NR5A2: variants seen among roughly 807,000 people sequenced by gnomAD.
NR5A2 encodes nuclear receptor subfamily 5 group A member 2.
Under a neutral mutation model 62.7 loss-of-function variants are expected in NR5A2, and 26 were observed. The observed-to-expected ratio is 0.41, with a 90% CI of 0.30 to 0.58. NR5A2 has a LOEUF of 0.58. Among genes scored for constraint, NR5A2 ranks in the 20% least tolerant of loss-of-function variants. The pLI is 0.22. For synonymous variants in NR5A2, 246 were observed against 241.7 expected, an observed-to-expected ratio of 1.02 and a Z score of -0.16; for missense variants, 541 against 669.1, an observed-to-expected ratio of 0.81 and a Z score of 2.11.
chr1:200,079,496 G>A (rs1462187759), intron 5 of NR5A2, among the ~76,000 whole-genome samples: 2 of 152,340 alleles, frequency 1.3e-5, no homozygotes, highest in South Asian at 2.1e-4. Context: ...TGGCCCTGGA[G>A]CGATTCCACA....
At chr1:200,141,152 G>A (rs547111238) in intron 7 of NR5A2, among the ~76,000 whole-genome samples, 1 of 152,268 alleles carries the variant, frequency 6.6e-6, no homozygotes, top group East Asian at 1.9e-4. Flanking sequence ...GTTTGTATGT[G>A]TTGGGGGGTG....
At position 200,156,960 on chromosome 1, in the gene NR5A2, A is replaced by G. The variant is rs1432457778; in HGVS notation, c.1379-17003A>G. ...AAGTTGGAGCATCTATATTGCCGACATCTTAACAGAGCCGCTCTCTGTATA... is the reference window on the plus strand; with the variant it reads ...AAGTTGGAGCATCTATATTGCCGACGTCTTAACAGAGCCGCTCTCTGTATA... On this transcript the variant is annotated intron_variant, in intron 7 of 7. Coordinates refer to ENST00000367362, the MANE Select transcript of NR5A2 (RefSeq NM_205860.3). Among the ~76,000 whole-genome samples the G allele has an allele frequency of 3.3e-5, 5 of 152,194 alleles. No individual in the cohort carries two copies. In the South Asian group the frequency reaches 1.0e-3, roughly 32 times the overall value.
rs1440070706 is a variant in NR5A2 at position 200,159,923 on chromosome 1, G to A, written c.1379-14040G>A. Among the ~76,000 whole-genome samples the A allele has an allele frequency of 2.6e-5, 4 of 152,322 alleles. No individual in the cohort carries two copies. In the East Asian group the frequency reaches 7.7e-4, roughly 29 times the overall value. ...CCGCCTCAGCCTCCCAAAGTGCTGG[G>A]ATTAGAGGCATAAGCCACCATGCCT... On this transcript the variant is annotated intron_variant, in intron 7 of 7. Coordinates refer to ENST00000367362, the MANE Select transcript of NR5A2 (RefSeq NM_205860.3).
chr1:200,081,535 C>T (rs1048722315), intron 5 of NR5A2, among the ~76,000 whole-genome samples: 1 of 152,224 alleles, frequency 6.6e-6, no homozygotes, highest in Non-Finnish European at 1.5e-5. Flanking sequence ...TGGACACCTC[C>T]ATAAGCTGAT....
At chr1:200,062,185 A>G (rs930738386) in intron 5 of NR5A2, among the ~76,000 whole-genome samples, 7 of 151,246 alleles carry the variant, frequency 4.6e-5, no homozygotes, top group African/African-American at 1.7e-4. Context: ...AATTATCTGC[A>G]TGCACAAGTT....
intron 1 of NR5A2, among the ~76,000 whole-genome samples, chr1:200,038,049 T>G (rs1661859525): frequency 6.6e-6 from 1 of 152,390 alleles, no homozygotes; most frequent in East Asian, 1.9e-4. Flanking sequence ...CAGCAGATTC[T>G]AAATATGAGG....
chr1:200,105,015 G>C (rs888074451), intron 5 of NR5A2, among the ~76,000 whole-genome samples: 2 of 151,866 alleles, frequency 1.3e-5, no homozygotes, highest in Admixed American at 1.3e-4. Flanking sequence ...ACTGAGTGCA[G>C]TGGCATGGTC....
At chr1:200,109,229 G>T (rs1298733117) in intron 5 of NR5A2, among the ~76,000 whole-genome samples, 6 of 152,324 alleles carry the variant, frequency 3.9e-5, no homozygotes, top group Non-Finnish European at 7.4e-5. Context: ...TTCTGATGGA[G>T]ATGTGCTGGG....
intron 7 of NR5A2, among the ~76,000 whole-genome samples, chr1:200,155,978 A>C (rs1653364744): frequency 6.6e-6 from 1 of 152,038 alleles, no homozygotes; most frequent in Admixed American, 6.6e-5. Flanking sequence ...TGGCCCAAAA[A>C]TCAAATTTTC....
chr1:200,173,740 A>T (rs1654289245), intron 7 of NR5A2, among the ~76,000 whole-genome samples: 1 of 152,134 alleles, frequency 6.6e-6, no homozygotes, highest in South Asian at 2.1e-4. Context: ...TGTCTAATTG[A>T]TTTGAGGTAT....
intron 7 of NR5A2, among the ~76,000 whole-genome samples, chr1:200,134,772 T>A (rs1667139353): frequency 6.6e-6 from 1 of 152,262 alleles, no homozygotes; most frequent in Admixed American, 6.5e-5. Context: ...ATTTAATTTT[T>A]AATTTTTAAA....
intron 5 of NR5A2, among the ~76,000 whole-genome samples, chr1:200,106,793 C>T (rs1220805993): frequency 6.6e-6 from 1 of 152,152 alleles, no homozygotes; most frequent in Admixed American, 6.6e-5. Context: ...AAATTGTCAA[C>T]ATTGCTCAAT....
chr1:200,135,860 C>A (rs549965292), intron 7 of NR5A2, among the ~76,000 whole-genome samples: 5 of 152,180 alleles, frequency 3.3e-5, no homozygotes, highest in Non-Finnish European at 7.3e-5. Context: ...GGCTGCTTAT[C>A]GGGAAATGCC....
At chr1:200,097,765 G>A (rs2737669) in intron 5 of NR5A2, among the ~76,000 whole-genome samples, 75,910 of 151,940 alleles carry the variant, frequency 0.5, 19,420 homozygotes, top group East Asian at 0.67. Context: ...GTGTGTAGGC[G>A]GTGTGTATGT....
chr1:200,058,771 G>A (rs113766460), intron 5 of NR5A2, among the ~76,000 whole-genome samples: 13 of 148,168 alleles, frequency 8.8e-5, no homozygotes, highest in African/African-American at 1.5e-4. Flanking sequence ...GAACCACCGC[G>A]CTGGGCTGGG....
chr1:200,055,585 C>T (rs1381247710), intron 5 of NR5A2, among the ~76,000 whole-genome samples: 2 of 152,184 alleles, frequency 1.3e-5, no homozygotes, highest in Non-Finnish European at 2.9e-5. Context: ...TCTTTGCCTT[C>T]TCCTGAGAGT....
chr1:200,115,202 G>GA (rs1666161521), intron 6 of NR5A2, among the ~76,000 whole-genome samples: 3 of 152,200 alleles, frequency 2.0e-5, no homozygotes, highest in Admixed American at 2.0e-4. Context: ...CTAAAACTAT[G>GA]AAAAAATCAC....
chr1:200,166,044 T>C (rs571922759), intron 7 of NR5A2, among the ~76,000 whole-genome samples: 1 of 152,326 alleles, frequency 6.6e-6, no homozygotes, highest in South Asian at 2.1e-4. Context: ...TAGGTGCCTC[T>C]TAAAAGTGGA....
intron 7 of NR5A2, among the ~76,000 whole-genome samples, chr1:200,170,355 T>C (rs974374770): frequency 6.6e-6 from 1 of 152,220 alleles, no homozygotes; most frequent in African/African-American, 2.4e-5. Context: ...TAAATTTCTA[T>C]TTATATGGGA....
Sources: allele counts gnomAD v4.1 joint callset (sites outside exome capture counted in the v4.1 genomes callset), GRCh38; gene constraint gnomAD v4.1.1; transcripts MANE v1.5; gene names NCBI Gene and HGNC (gene_info 2026-07-23, HGNC 2026-07-21).